RARB: variants seen among roughly 807,000 people sequenced by gnomAD.
RARB encodes the protein retinoic acid receptor beta.
RARB carries 17 observed loss-of-function variants against 51.9 expected under a neutral mutation model. That is an observed-to-expected ratio of 0.33 (90% CI 0.22 to 0.49). RARB has a LOEUF of 0.49. Among genes scored for constraint, RARB ranks in the 20% least tolerant of loss-of-function variants. RARB has a pLI of 0.99. For missense variants in RARB, 369 were observed against 550.8 expected (o/e 0.67, Z 3.30); for synonymous variants, 215 against 195.4 (o/e 1.10, Z -0.84).
intron 3 of RARB, among the ~76,000 whole-genome samples, chr3:25,062,247 G>A (rs1575141956): frequency 1.3e-5 from 2 of 151,898 alleles, no homozygotes; most frequent in Non-Finnish European, 1.5e-5. Flanking sequence ...AAGTGTTCAA[G>A]CATACTAATA....
chr3:25,191,149 A>C, intron 5 of RARB, among the ~76,000 whole-genome samples: 1 of 152,234 alleles, frequency 6.6e-6, no homozygotes, highest in South Asian at 2.1e-4. Context: ...ATTTTAGTCC[A>C]TGAAAAAAAT....
intron 5 of RARB, among the ~76,000 whole-genome samples, chr3:25,178,247 C>A: frequency 6.6e-6 from 1 of 151,994 alleles, no homozygotes; most frequent in East Asian, 1.9e-4. Flanking sequence ...TGCATTCTGA[C>A]TTAATTTTTA....
At chr3:24,974,986 G>C (rs1248256972) in intron 2 of RARB, among the ~76,000 whole-genome samples, 1 of 152,108 alleles carries the variant, frequency 6.6e-6, no homozygotes, top group Non-Finnish European at 1.5e-5. Context: ...GACACCTATG[G>C]CTATTGACTG....
intron 2 of RARB, among the ~76,000 whole-genome samples, chr3:24,927,539 G>T (rs1695346038): frequency 6.6e-6 from 1 of 151,798 alleles, no homozygotes; most frequent in Admixed American, 6.6e-5. Flanking sequence ...TAAAAATTTG[G>T]GTATCTTCAG....
rs71057701 is a variant in RARB, at chr3:25,176,334, TTTCCTTCC to T, written c.178+1806_178+1813del. Among the ~76,000 whole-genome samples the T allele has an allele frequency of 3.3e-3, 359 of 108,418 alleles. 9 individuals carry two copies. Among genetic ancestry groups the T allele is most frequent in the Non-Finnish European group, 4.6e-3 (238 of 51,718 alleles). The allele number at this position is 108,418 out of a possible 152,430, so 71.1% of individuals were successfully genotyped here. ...CTTTCTTTCTTTCTTTCTTTCTTTC[TTTCCTTCC>T]TTCCTTCCTTCCTTCCTTCCTTCCT... On this transcript the variant is annotated intron_variant, in intron 5 of 11. Coordinates refer to the RARB transcript ENST00000383772.
intron 5 of RARB, among the ~76,000 whole-genome samples, chr3:25,302,371 A>G (rs1310541595): frequency 5.9e-5 from 9 of 152,230 alleles, no homozygotes; most frequent in African/African-American, 9.6e-5. Flanking sequence ...CAAATATTCA[A>G]CTGATGAATG....
chr3:25,258,169 G>C (rs186522399), intron 5 of RARB, among the ~76,000 whole-genome samples: 2 of 152,116 alleles, frequency 1.3e-5, no homozygotes, highest in Non-Finnish European at 2.9e-5. Context: ...ACTTAGGACT[G>C]AGGAACCTCT....
intron 2 of RARB, among the ~76,000 whole-genome samples, chr3:25,473,470 G>A (rs1182688521): frequency 6.6e-6 from 1 of 151,938 alleles, no homozygotes; most frequent in Non-Finnish European, 1.5e-5. Flanking sequence ...TGCTAGCAGC[G>A]TCCTGCCTGG....
intron 5 of RARB, among the ~76,000 whole-genome samples, chr3:25,348,404 TAA>T (rs1352646206): frequency 8.0e-6 from 1 of 125,696 alleles, no homozygotes; most frequent in Non-Finnish European, 1.7e-5. Flanking sequence ...GAAGAGATTA[TAA>T]AAGTGTCAGC....
At chr3:25,494,278 C>CAT (rs1272159706) in intron 2 of RARB, among the ~76,000 whole-genome samples, 2 of 151,830 alleles carry the variant, frequency 1.3e-5, no homozygotes, top group Non-Finnish European at 2.9e-5. Flanking sequence ...CACACACACA[C>CAT]ATGCCATCAT....
chr3:24,914,566 C>T lies in RARB; in HGVS notation c.-380+55814C>T, dbSNP rs139630310. 4.3e-4 allele frequency among the ~76,000 whole-genome samples: 66 copies of T among 152,282 alleles called. No homozygotes were observed. In the East Asian group the frequency reaches 4.4e-3, roughly 10 times the overall value. ...CTCAGGTACCAAAATCCATGATACT[C>T]GTGTCCCTGATAGAAAATGCTGTAG... On this transcript the variant is annotated intron_variant, in intron 2 of 11. Coordinates refer to the RARB transcript ENST00000383772.
At chr3:25,021,805 C>T (rs1575122569) in intron 2 of RARB, among the ~76,000 whole-genome samples, 3 of 152,272 alleles carry the variant, frequency 2.0e-5, no homozygotes, top group Admixed American at 2.0e-4. Context: ...CTATCTCACT[C>T]AGCCAAATAT....
chr3:24,967,391 A>C (rs1185495788), intron 2 of RARB, among the ~76,000 whole-genome samples: 8 of 152,112 alleles, frequency 5.3e-5, no homozygotes, highest in Non-Finnish European at 1.0e-4. Context: ...GCATTTCTTC[A>C]CTACCCCCGC....
chr3:25,338,151 C>T lies in RARB; in HGVS notation c.179-123042C>T, dbSNP rs141701870. On this transcript the variant is annotated intron_variant, in intron 5 of 11. Transcript: ENST00000383772. Reference sequence around the variant, plus strand: ...CACACACACAGAATTAAGCAAAGTACCAAGACATAAAAGTTTTCTGAAACT... The same window carrying T: ...CACACACACAGAATTAAGCAAAGTATCAAGACATAAAAGTTTTCTGAAACT... Among the ~76,000 whole-genome samples the T allele has an allele frequency of 7.6e-3, 1,142 of 149,522 alleles. 13 individuals are homozygous for T. The highest frequency in any genetic ancestry group is 0.026 in the African/African-American group (1,063 of 40,538).
chr3:25,513,201 C>T lies in RARB; in HGVS notation c.448+11878C>T, dbSNP rs182023349. Among the ~76,000 whole-genome samples, 19 of 151,146 alleles carry T rather than the reference C, an allele frequency of 1.3e-4. No homozygotes were observed. In the South Asian group the frequency reaches 2.7e-3, roughly 22 times the overall value. ...ACTCAGGAGGCTAAGGCAGGAGAAT[C>T]GCTTGGACCTGGGAGGCGGAGGTTG... On this transcript the variant is annotated intron_variant, in intron 3 of 7. Transcript: ENST00000330688.
chr3:25,107,020 C>T (rs558393372), intron 3 of RARB, among the ~76,000 whole-genome samples: 158 of 152,206 alleles, frequency 1.0e-3, no homozygotes, highest in Non-Finnish European at 2.0e-3. Flanking sequence ...CCTGCCTCAG[C>T]CTCCCGAATA....
intron 2 of RARB, among the ~76,000 whole-genome samples, chr3:24,914,454 G>C (rs1575069362): frequency 6.6e-6 from 1 of 152,096 alleles, no homozygotes. Context: ...CAACCTTCCG[G>C]ATTTGATAGA....
intron 2 of RARB, among the ~76,000 whole-genome samples, chr3:24,942,364 C>T (rs746827908): frequency 2.0e-4 from 30 of 152,030 alleles, no homozygotes; most frequent in Non-Finnish European, 2.5e-4. Flanking sequence ...TGAAATGGGC[C>T]TTAGGGTTTA....
intron 5 of RARB, among the ~76,000 whole-genome samples, chr3:25,362,140 T>C (rs535177152): frequency 1.3e-4 from 20 of 152,290 alleles, no homozygotes; most frequent in African/African-American, 4.3e-4. Context: ...GTTTTATCTA[T>C]AAGCCCCTGT....
Sources: gnomAD v4.1 joint callset for allele counts (sites outside exome capture counted in the v4.1 genomes callset) on GRCh38, gnomAD v4.1.1 for gene constraint, MANE v1.5 for transcripts, NCBI Gene and HGNC (gene_info 2026-07-23, HGNC 2026-07-21) for gene names.